The following CHST4 variants were observed in gnomAD, a reference collection of about 807,000 sequenced individuals.
CHST4 encodes the protein GST-3.
For synonymous variants in CHST4, 171 were observed against 195.5 expected, an observed-to-expected ratio of 0.87 and a Z score of 1.05; for missense variants, 466 against 506.0, an observed-to-expected ratio of 0.92 and a Z score of 0.76.
rs1042516318 is a variant in CHST4 at position 71,537,639 on chromosome 16, A to G, written c.962A>G (p.His321Arg). The change falls in exon 2 of 2, where the codon CAC (histidine) becomes CGC (arginine). Residue 321 changes from histidine to arginine, a missense_variant. By Grantham distance (29) the His-to-Arg change is conservative (BLOSUM62 0). Coordinates refer to ENST00000539698, the MANE Select transcript of CHST4 (RefSeq NM_001166395.2). The surrounding 1 kb of genome is among the most constrained non-coding windows in gnomAD (Gnocchi z 4.2). Reference sequence around the variant, plus strand: ...AAGGGCATGGGTGACCACGCTTTCCACACAAATGCCAGGGATGCCCTTAAT... The same window carrying G: ...AAGGGCATGGGTGACCACGCTTTCCGCACAAATGCCAGGGATGCCCTTAAT... ...RGKGMGDHAF[H>R]TNARDALNVS... 15 of 1,614,192 alleles carry G rather than the reference A, an allele frequency of 9.3e-6. No homozygotes were observed. The highest frequency in any genetic ancestry group is 1.3e-5 in the Non-Finnish European group (15 of 1,180,036).
rs528394236 is a variant in CHST4 at position 71,537,387 on chromosome 16, A to C, written c.710A>C (p.Lys237Thr). The change falls in exon 2 of 2, where the codon AAG becomes ACG. Residue 237 changes from lysine to threonine, a missense_variant. Coordinates refer to ENST00000539698, the MANE Select transcript of CHST4 (RefSeq NM_001166395.2). The surrounding 1 kb of genome is among the most constrained non-coding windows in gnomAD (Gnocchi z 4.2). ...IVMGQHEQKL[K>T]KEDQPYYVMQ... ...ATGGGGCAGCATGAGCAAAAACTCAAGAAGGAGGACCAACCCTACTATGTG... is the reference window on the plus strand; with the variant it reads ...ATGGGGCAGCATGAGCAAAAACTCACGAAGGAGGACCAACCCTACTATGTG... 8.4e-5 allele frequency: 136 copies of C among 1,613,972 alleles called. No individual in the cohort carries two copies. The highest frequency in any genetic ancestry group is 1.1e-4 in the Non-Finnish European group (133 of 1,179,988).
At chr16:71,532,053 T>G (rs964834889) in intron 1 of CHST4, among the ~76,000 whole-genome samples, 51 of 149,956 alleles carry the variant, frequency 3.4e-4, no homozygotes, top group Admixed American at 1.5e-3. Context: ...CTGTTGTTTT[T>G]TTTTTTTTTT....
intron 1 of CHST4, among the ~76,000 whole-genome samples, chr16:71,527,713 T>G (rs1278710242): frequency 6.6e-6 from 1 of 151,618 alleles, no homozygotes; most frequent in Non-Finnish European, 1.5e-5. Context: ...CATTGCACTC[T>G]AGCCTGGGCA....
intron 1 of CHST4, among the ~76,000 whole-genome samples, chr16:71,535,924 G>T (rs985374181): frequency 1.3e-5 from 2 of 152,174 alleles, no homozygotes; most frequent in African/African-American, 4.8e-5. Flanking sequence ...GGTGAGAAAT[G>T]GGCAGGTGAG....
chr16:71,532,563 C>A (rs999279114), intron 1 of CHST4, among the ~76,000 whole-genome samples: 3 of 152,178 alleles, frequency 2.0e-5, no homozygotes, highest in Non-Finnish European at 4.4e-5. Context: ...TGAGTCATTA[C>A]ATACTTCCCA....
At chr16:71,527,215 T>A (rs1318121496) in intron 1 of CHST4, among the ~76,000 whole-genome samples, 3 of 152,230 alleles carry the variant, frequency 2.0e-5, no homozygotes, top group Non-Finnish European at 4.4e-5. Flanking sequence ...TGGACAAGTA[T>A]GAAACTTCTA....
chr16:71,535,215 C>T (rs1201313729), intron 1 of CHST4, among the ~76,000 whole-genome samples: 2 of 152,178 alleles, frequency 1.3e-5, no homozygotes, highest in African/African-American at 4.8e-5. Context: ...GCCTTTCACC[C>T]AGGCTGGAGT....
intron 1 of CHST4, among the ~76,000 whole-genome samples, chr16:71,530,553 G>A (rs1297069939): frequency 6.6e-6 from 1 of 151,656 alleles, no homozygotes; most frequent in African/African-American, 2.4e-5. Flanking sequence ...GTGGCTTGAG[G>A]TCAGGAGTTT....
Position 71,537,514 on chromosome 16 carries a change from G to C in CHST4, c.837G>C (p.Leu279=), listed in dbSNP as rs745732895. The C allele has an allele frequency of 2.8e-5, 45 of 1,614,064 alleles. No homozygotes were observed. The highest frequency in any genetic ancestry group is 3.6e-5 in the Non-Finnish European group (43 of 1,180,042). ...ACCTGCTTGTGCGCTATGAGGACCT[G>C]GCTCGAGCCCCTGTGGCCCAGACTT... ...ERYLLVRYED[L]ARAPVAQTSR... Residue 279 remains leucine, a synonymous_variant, in exon 2 of 2, where the codon CTG becomes CTC. Transcript: ENST00000539698. The surrounding 1 kb of genome is among the most constrained non-coding windows in gnomAD (Gnocchi z 4.2).
At chr16:71,531,455 G>A (rs971306801) in intron 1 of CHST4, among the ~76,000 whole-genome samples, 3 of 152,178 alleles carry the variant, frequency 2.0e-5, no homozygotes, top group Non-Finnish European at 4.4e-5. Context: ...CAAAAGCTAC[G>A]CTTTCTACCC....
Position 71,537,920 on chromosome 16 carries a change from T to A in CHST4, c.*82T>A. ...TGCTTCTGAGCCTTGCCTACATCTC[T>A]GAGCCTTAACTACATGTCTGTGGGT... On this transcript the variant is annotated 3_prime_UTR_variant, in exon 2 of 2. Coordinates refer to ENST00000539698, the MANE Select transcript of CHST4 (RefSeq NM_001166395.2). This position sits in a 1 kb window ranked among gnomAD's most constrained non-coding sequence, Gnocchi z 4.2. The A allele has an allele frequency of 7.7e-7, 1 of 1,306,930 alleles. No individual in the cohort carries two copies. Among genetic ancestry groups the A allele is most frequent in the Non-Finnish European group, 1.1e-6 (1 of 939,586 alleles). The allele number at this position is 1,306,930 out of a possible 1,614,324, so 81.0% of individuals were successfully genotyped here. A position where few individuals can be genotyped will look rare whatever the true frequency, so the allele number is the denominator to read the frequency against.
At position 71,537,328 on chromosome 16, in the gene CHST4, A is replaced by G; in HGVS notation, c.651A>G (p.Thr217=). 6.2e-7 allele frequency: 1 copy of G among 1,614,202 alleles called. No homozygotes were observed. The highest frequency in any genetic ancestry group is 8.5e-7 in the Non-Finnish European group (1 of 1,180,040). ...PRAVFRSRER[T]KGDLMIDSRI... is the part of the protein sequence containing the mutation. Reference sequence around the variant, plus strand: ...CCGTGTTCCGTTCCCGAGAACGCACAAAGGGAGATCTCATGATTGACAGTC... The same window carrying G: ...CCGTGTTCCGTTCCCGAGAACGCACGAAGGGAGATCTCATGATTGACAGTC... The change falls in exon 2 of 2, where the codon ACA becomes ACG. Residue 217 remains threonine, a synonymous_variant. Transcript: ENST00000539698. This position sits in a 1 kb window ranked among gnomAD's most constrained non-coding sequence, Gnocchi z 4.2.
rs768310932 is a variant in CHST4 at position 71,537,825 on chromosome 16, A to G, written c.1148A>G (p.Glu383Gly). The stretch of plus-strand genomic sequence containing the variant: ...CTTCTGTCTACCTGGACTGTCCCTG[A>G]GCAAATCCACTAAGAGGGTTGAGAA... Reference protein sequence around the residue: ...LDLLSTWTVPEQIH With the variant: ...LDLLSTWTVPGQIH The change falls in exon 2 of 2, where the codon GAG (glutamate) becomes GGG (glycine). Residue 383 changes from glutamate (E) to glycine (G), a missense_variant. Glu to Gly is a moderately conservative substitution (Grantham distance 98, BLOSUM62 -2). Coordinates refer to ENST00000539698, the MANE Select transcript of CHST4 (RefSeq NM_001166395.2). This position sits in a 1 kb window ranked among gnomAD's most constrained non-coding sequence, Gnocchi z 4.2. 6.2e-7 allele frequency: 1 copy of G among 1,610,862 alleles called. No individual in the cohort carries two copies. Among genetic ancestry groups the G allele is most frequent in the Non-Finnish European group, 8.5e-7 (1 of 1,178,780 alleles).
rs1205624907 is a variant in CHST4, at chr16:71,538,023, G to C, written c.*185G>C. On this transcript the variant is annotated 3_prime_UTR_variant, in exon 2 of 2. Coordinates refer to ENST00000539698, the MANE Select transcript of CHST4 (RefSeq NM_001166395.2). ...TGTCCATGCTTGTGTCTAGAAAACAGACTGGGGAACCTTATGTGAGCAGCA... is the reference window on the plus strand; with the variant it reads ...TGTCCATGCTTGTGTCTAGAAAACACACTGGGGAACCTTATGTGAGCAGCA... The C allele has an allele frequency of 9.7e-6, 6 of 621,188 alleles. No individual in the cohort carries two copies. The highest frequency in any genetic ancestry group is 3.0e-5 in the Admixed American group (1 of 32,790). The allele number at this position is 621,188 out of a possible 1,614,324, so 38.5% of individuals were successfully genotyped here. A position where few individuals can be genotyped will look rare whatever the true frequency, so the allele number is the denominator to read the frequency against.
chr16:71,533,440 A>C (rs544759176), intron 1 of CHST4, among the ~76,000 whole-genome samples: 1 of 143,738 alleles, frequency 7.0e-6, no homozygotes, highest in Non-Finnish European at 1.5e-5. Flanking sequence ...AAAAAAAAAA[A>C]ACAAAAAAAA....
chr16:71,534,407 G>C (rs1368501250), intron 1 of CHST4, among the ~76,000 whole-genome samples: 1 of 142,576 alleles, frequency 7.0e-6, no homozygotes, highest in Admixed American at 7.3e-5. Context: ...GCCCAGGCTA[G>C]AGTGCAATGG....
Position 71,536,705 on chromosome 16 carries a change from C to T in CHST4, c.28C>T (p.Leu10=). 1 of 1,495,258 alleles carries T rather than the reference C, an allele frequency of 6.7e-7. No individual in the cohort carries two copies. Among genetic ancestry groups the T allele is most frequent in the Non-Finnish European group, 8.9e-7 (1 of 1,123,868 alleles). The allele number at this position is 1,495,258 out of a possible 1,614,324, so 92.6% of individuals were successfully genotyped here. A position where few individuals can be genotyped will look rare whatever the true frequency, so the allele number is the denominator to read the frequency against. ...GCTACTGCCTAAAAAAATGAAGCTC[C>T]TGCTGTTTCTGGTTTCCCAGATGGC... is the stretch of plus-strand genomic sequence containing the variant. MLLPKKMKL[L]LFLVSQMAIL... is the part of the protein sequence containing the mutation. The change falls in exon 2 of 2, where the codon CTG becomes TTG. Residue 10 remains leucine, a synonymous_variant. Transcript: ENST00000539698.
intron 1 of CHST4, among the ~76,000 whole-genome samples, chr16:71,528,998 G>C (rs944701485): frequency 6.6e-6 from 1 of 152,084 alleles, no homozygotes; most frequent in Non-Finnish European, 1.5e-5. Context: ...TGTGTTTTAA[G>C]ATGATACCGT....
Position 71,536,737 on chromosome 16 carries a change from G to T in CHST4, c.60G>T (p.Leu20Phe), listed in dbSNP as rs1289968959. Residue 20 changes from leucine to phenylalanine, a missense_variant, in exon 2 of 2, where the codon TTG becomes TTT. By Grantham distance (22) the Leu-to-Phe change is conservative. Coordinates refer to ENST00000539698, the MANE Select transcript of CHST4 (RefSeq NM_001166395.2). ...LLFLVSQMAI[L>F]ALFFHMYSHN... is the part of the protein sequence containing the mutation. ...TTCTGGTTTCCCAGATGGCCATCTT[G>T]GCTCTATTCTTCCACATGTACAGCC... is the stretch of plus-strand genomic sequence containing the variant. The T allele has an allele frequency of 6.7e-7, 1 of 1,498,502 alleles. No homozygotes were observed. 92.8% of individuals were successfully genotyped at this position (1,498,502 alleles called of 1,614,324 possible).
Sources: gnomAD v4.1 joint callset for allele counts (sites outside exome capture counted in the v4.1 genomes callset) on GRCh38, gnomAD v4.1.1 for gene constraint, Gnocchi (gnomAD v3.1) non-coding constraint, MANE v1.5 for transcripts, NCBI Gene and HGNC (gene_info 2026-07-23, HGNC 2026-07-21) for gene names.